ZC3H12B: variants seen among roughly 807,000 people sequenced by gnomAD.
The protein encoded by ZC3H12B is zinc finger CCCH-type containing 12B.
In ZC3H12B, 7 loss-of-function variants were observed where a neutral mutation model predicts 43.9. The ratio of observed to expected loss-of-function variants is 0.16; its 90% confidence interval spans 0.09 to 0.30. The LOEUF (loss-of-function observed/expected upper bound fraction) is 0.30. Among genes scored for constraint, ZC3H12B ranks in the 10% least tolerant of loss-of-function variants. The pLI is 1.00. For missense variants in ZC3H12B, 475 were observed against 670.2 expected (o/e 0.71, Z 3.22); for synonymous variants, 222 against 241.7 (o/e 0.92, Z 0.76).
chrX:65,095,768 G>A, the ZC3H12B span, among the ~76,000 whole-genome samples: 1 of 111,398 alleles, frequency 9.0e-6, no homozygotes, highest in East Asian at 2.8e-4. Flanking sequence ...CCCAATTCCA[G>A]TGCCTTCTAG....
At chrX:65,120,355 T>C in the ZC3H12B span, among the ~76,000 whole-genome samples, 1 of 111,463 alleles carries the variant, frequency 9.0e-6, no homozygotes, top group Non-Finnish European at 1.9e-5. Context: ...CTTGAAGAGG[T>C]TTTTCACATC....
At chrX:65,397,088 T>C (rs1283118343) in intron 2 of ZC3H12B, among the ~76,000 whole-genome samples, 1 of 111,829 alleles carries the variant, frequency 8.9e-6, no homozygotes, top group East Asian at 2.8e-4. Flanking sequence ...TTTGAGCCTA[T>C]ATGTGTCTTT....
At chrX:65,226,459 T>C in the ZC3H12B span, among the ~76,000 whole-genome samples, 2 of 111,349 alleles carry the variant, frequency 1.8e-5, no homozygotes, top group African/African-American at 6.5e-5. Flanking sequence ...AGAAACTGCG[T>C]CAACCTGCGT....
chrX:65,316,085 A>G, the ZC3H12B span, among the ~76,000 whole-genome samples: 1 of 111,703 alleles, frequency 9.0e-6, no homozygotes, highest in Non-Finnish European at 1.9e-5. Flanking sequence ...GAGCTTTAAG[A>G]CCAATACTCT....
chrX:65,068,944 C>A, the ZC3H12B span, among the ~76,000 whole-genome samples: 1 of 107,656 alleles, frequency 9.3e-6, no homozygotes, highest in African/African-American at 3.4e-5. Context: ...TTAAATATAT[C>A]ATGCCACTGT....
the ZC3H12B span, among the ~76,000 whole-genome samples, chrX:65,314,707 A>T: frequency 9.0e-6 from 1 of 111,556 alleles, no homozygotes; most frequent in Non-Finnish European, 1.9e-5. Context: ...GATAATTCAG[A>T]AATGAAGAGC....
exon 2 of ZC3H12B, chrX:65,497,262 C>A (rs763250271): frequency 8.3e-7 from 1 of 1,206,523 alleles, no homozygotes; most frequent in South Asian, 1.8e-5. Context: ...CCCTGATGCA[C>A]CAATTACAGG....
the ZC3H12B span, among the ~76,000 whole-genome samples, chrX:65,150,385 C>T: frequency 3.9e-3 from 430 of 110,382 alleles, 2 homozygotes; most frequent in African/African-American, 0.014. Flanking sequence ...TTTAATTCTA[C>T]TTTAAGTTCT....
chrX:65,158,513 T>A, the ZC3H12B span, among the ~76,000 whole-genome samples: 1 of 112,305 alleles, frequency 8.9e-6, no homozygotes, highest in Admixed American at 9.5e-5. Flanking sequence ...TGCATTTCTC[T>A]GATGGCCAGT....
At chrX:65,491,786 T>C (rs1425304393) in intron 1 of ZC3H12B, among the ~76,000 whole-genome samples, 1 of 108,711 alleles carries the variant, frequency 9.2e-6, no homozygotes, top group Non-Finnish European at 1.9e-5. Context: ...CCTTTTTCAA[T>C]TTTTTAAAAT....
chrX:65,104,796 A>C, the ZC3H12B span, among the ~76,000 whole-genome samples: 1 of 111,869 alleles, frequency 8.9e-6, no homozygotes, highest in Admixed American at 9.5e-5. Context: ...ATGGTTGTAC[A>C]CTATTGGTGG....
the ZC3H12B span, among the ~76,000 whole-genome samples, chrX:65,165,028 A>G: frequency 8.9e-6 from 1 of 112,094 alleles, no homozygotes; most frequent in African/African-American, 3.2e-5. Flanking sequence ...GAGAACATAG[A>G]GAAAATGAAG....
the ZC3H12B span, among the ~76,000 whole-genome samples, chrX:65,229,605 A>G: frequency 9.2e-6 from 1 of 108,465 alleles, no homozygotes; most frequent in Non-Finnish European, 1.9e-5. Context: ...GCAACCTACA[A>G]AATGGGAGAA....
At chrX:65,226,495 A>G in the ZC3H12B span, among the ~76,000 whole-genome samples, 2 of 111,785 alleles carry the variant, frequency 1.8e-5, no homozygotes, top group Non-Finnish European at 3.8e-5. Context: ...ATAACCAGCT[A>G]ACATCATAAT....
chrX:65,238,067 C>T, the ZC3H12B span, among the ~76,000 whole-genome samples: 17 of 111,475 alleles, frequency 1.5e-4, no homozygotes, highest in African/African-American at 5.5e-4. Flanking sequence ...ATGTTAGCCT[C>T]ATAAAATGAG....
the ZC3H12B span, among the ~76,000 whole-genome samples, chrX:65,090,452 A>T: frequency 8.9e-5 from 10 of 112,125 alleles, no homozygotes; most frequent in African/African-American, 3.2e-4. Flanking sequence ...GATCACATTG[A>T]TTGCATCTAC....
chrX:65,102,684 G>A, the ZC3H12B span, among the ~76,000 whole-genome samples: 5 of 111,766 alleles, frequency 4.5e-5, no homozygotes, highest in South Asian at 3.7e-4. Context: ...TACAAGGCAC[G>A]TGAAGGACTT....
the ZC3H12B span, among the ~76,000 whole-genome samples, chrX:65,152,897 G>T: frequency 9.0e-6 from 1 of 111,423 alleles, no homozygotes; most frequent in Non-Finnish European, 1.9e-5. Context: ...ATAGATAAAT[G>T]GAACAGAACA....
the ZC3H12B span, among the ~76,000 whole-genome samples, chrX:65,193,572 A>G: frequency 1.9e-4 from 21 of 111,413 alleles, no homozygotes; most frequent in Admixed American, 6.7e-4. Flanking sequence ...TCTTTTCAGA[A>G]AACCAACTTT....
Sources: allele counts gnomAD v4.1 joint callset (sites outside exome capture counted in the v4.1 genomes callset), GRCh38; gene constraint gnomAD v4.1.1; transcripts MANE v1.5; gene names NCBI Gene and HGNC (gene_info 2026-07-23, HGNC 2026-07-21).